The following ZNF703 variants were observed in gnomAD, a reference collection of about 807,000 sequenced individuals.
ZNF703 encodes the protein NocA-like zinc finger 1.
Under a neutral mutation model 30.7 loss-of-function variants are expected in ZNF703, and 18 were observed. The ratio of observed to expected loss-of-function variants is 0.59; its 90% CI spans 0.40 to 0.87. The LOEUF (loss-of-function observed/expected upper bound fraction) is 0.87. ZNF703 is among the 40% of genes least tolerant of loss of function. The pLI is 0.00. For missense variants in ZNF703, 814 were observed against 847.8 expected, an observed-to-expected ratio of 0.96 and a Z score of 0.50; for synonymous variants, 457 against 438.6, an observed-to-expected ratio of 1.04 and a Z score of -0.52.
At position 37,697,965 on chromosome 8, in the gene ZNF703, G is replaced by C. The variant is rs1268591631; in HGVS notation, c.1064G>C (p.Gly355Ala). ...QLSGGLGLPPGKPPSSSPLTG... is the reference protein window; with the variant it reads ...QLSGGLGLPPAKPPSSSPLTG... The stretch of plus-strand genomic sequence containing the variant: ...TCTGGGGGCCTGGGCCTGCCGCCGG[G>C]CAAGCCCCCCAGCTCCAGCCCGCTC... Residue 355 changes from glycine to alanine, a missense_variant, in exon 2 of 2, where the codon GGC becomes GCC. Coordinates refer to ENST00000331569, the MANE Select transcript of ZNF703 (RefSeq NM_025069.3). The C allele has an allele frequency of 6.4e-6, 10 of 1,554,522 alleles. No individual in the cohort carries two copies. The highest frequency in any genetic ancestry group is 8.6e-6 in the Non-Finnish European group (10 of 1,156,726).
Position 37,695,969 on chromosome 8 carries a change from G to C in ZNF703, c.-11G>C. ...CCCTCCCCGCCCCCCCAGCGGCGCT[G>C]CCTCCTCCAAATGAGCGATTCGCCC... On this transcript the variant is annotated 5_prime_UTR_variant, in exon 1 of 2. Transcript: ENST00000331569. 6.6e-7 allele frequency: 1 copy of C among 1,506,520 alleles called. No homozygotes were observed. The highest frequency in any genetic ancestry group is 8.9e-7 in the Non-Finnish European group (1 of 1,125,348). 93.3% of individuals were successfully genotyped at this position (1,506,520 alleles called of 1,614,324 possible).
rs1435479744 is a variant in ZNF703, at chr8:37,697,613, G to C, written c.712G>C (p.Gly238Arg). 7.0e-7 allele frequency: 1 copy of C among 1,419,256 alleles called. No homozygotes were observed. The highest frequency in any genetic ancestry group is 2.9e-5 in the East Asian group (1 of 34,758). The allele number at this position is 1,419,256 out of a possible 1,614,324, so 87.9% of individuals were successfully genotyped here. A position where few individuals can be genotyped will look rare whatever the true frequency, so the allele number is the denominator to read the frequency against. Residue 238 changes from glycine (G) to arginine (R), a missense_variant, in exon 2 of 2, where the codon GGC becomes CGC. Physicochemically the swap from Gly to Arg is moderately radical, Grantham distance 125. Transcript: ENST00000331569. Reference sequence around the variant, plus strand: ...TGACTGCAAGAACGGCGGCGGGGTTGGCGGCGGGGAGCTGGACAAGAAAGA... The same window carrying C: ...TGACTGCAAGAACGGCGGCGGGGTTCGCGGCGGGGAGCTGGACAAGAAAGA... ...HSDCKNGGGV[G>R]GGELDKKDQE... is the part of the protein sequence containing the mutation.
rs1251277548 is a variant in ZNF703 at position 37,695,931 on chromosome 8, C to G, written c.-49C>G. 2.9e-6 allele frequency: 4 copies of G among 1,400,790 alleles called. No homozygotes were observed. Among genetic ancestry groups the G allele is most frequent in the East Asian group, 2.8e-5 (1 of 35,408 alleles). The allele number at this position is 1,400,790 out of a possible 1,614,324, so 86.8% of individuals were successfully genotyped here. On this transcript the variant is annotated 5_prime_UTR_variant, in exon 1 of 2. Transcript: ENST00000331569. Reference sequence around the variant, plus strand: ...CACCCGCCCCGGGAGCTCGCCTCCCCGGTGCTCCCCCGCCCTCCCCGCCCC... The same window carrying G: ...CACCCGCCCCGGGAGCTCGCCTCCCGGGTGCTCCCCCGCCCTCCCCGCCCC...
chr8:37,698,848 T>C lies in ZNF703; in HGVS notation c.*174T>C, dbSNP rs1173110056. 3.8e-6 allele frequency: 2 copies of C among 519,686 alleles called. No homozygotes were observed. Among genetic ancestry groups the C allele is most frequent in the Non-Finnish European group, 6.0e-6 (2 of 330,924 alleles). 32.2% of individuals were successfully genotyped at this position (519,686 alleles called of 1,614,324 possible). A position where few individuals can be genotyped will look rare whatever the true frequency, so the allele number is the denominator to read the frequency against. On this transcript the variant is annotated 3_prime_UTR_variant, in exon 2 of 2. Transcript: ENST00000331569. ...TTTACTATAATGTTAGCTTACAAGC[T>C]GGGAATATAAGTGCATTAACGGCCC...
At position 37,698,670 on chromosome 8, in the gene ZNF703, A is replaced by T; in HGVS notation, c.1769A>T (p.Gln590Leu). The T allele has an allele frequency of 1.4e-6, 2 of 1,451,642 alleles. No homozygotes were observed. Among genetic ancestry groups the T allele is most frequent in the Non-Finnish European group, 1.8e-6 (2 of 1,099,642 alleles). The allele number at this position is 1,451,642 out of a possible 1,614,324, so 89.9% of individuals were successfully genotyped here. The change falls in exon 2 of 2, where the codon CAG (glutamine) becomes CTG (leucine). Residue 590 changes from glutamine (Q) to leucine (L), a missense_variant. Gln to Leu is a moderately radical substitution (Grantham distance 113, BLOSUM62 -2). Coordinates refer to ENST00000331569, the MANE Select transcript of ZNF703 (RefSeq NM_025069.3). ...GCTTCAGCCTCGGCGCTGGGATACC[A>T]GTAACTACAGCTCTTCCTCCACCCC... ...RLASASALGYQ is the reference protein window; with the variant it reads ...RLASASALGYL
rs1449829242 is a variant in ZNF703 at position 37,697,767 on chromosome 8, G to C, written c.866G>C (p.Gly289Ala). ...TCCGAGCCGCCCTCGGCGCTGGTGG[G>C]GGCCGGCCACGTGGCGCCGGTGTCT... ...RKSEPPSALV[G>A]AGHVAPVSPY... The change falls in exon 2 of 2, where the codon GGG becomes GCG. Residue 289 changes from glycine to alanine, a missense_variant. Coordinates refer to ENST00000331569, the MANE Select transcript of ZNF703 (RefSeq NM_025069.3). The C allele has an allele frequency of 6.7e-7, 1 of 1,498,880 alleles. No homozygotes were observed. Among genetic ancestry groups the C allele is most frequent in the Admixed American group, 2.1e-5 (1 of 47,954 alleles). The allele number at this position is 1,498,880 out of a possible 1,614,324, so 92.8% of individuals were successfully genotyped here.
Position 37,698,384 on chromosome 8 carries a change from G to T in ZNF703, c.1483G>T (p.Ala495Ser). 6.6e-7 allele frequency: 1 copy of T among 1,522,574 alleles called. No homozygotes were observed. Among genetic ancestry groups the T allele is most frequent in the Non-Finnish European group, 8.8e-7 (1 of 1,136,214 alleles). The allele number at this position is 1,522,574 out of a possible 1,614,324, so 94.3% of individuals were successfully genotyped here. ...CCTGCCGGGAGCCGAGAAACTTCTG[G>T]CCGCCTACCCCGGGGCCTCGGGCCT... ...TALPGAEKLLAAYPGASGLGS... is the reference protein window; with the variant it reads ...TALPGAEKLLSAYPGASGLGS... Residue 495 changes from alanine to serine, a missense_variant, in exon 2 of 2, where the codon GCC becomes TCC. Physicochemically the swap from Ala to Ser is moderately conservative, Grantham distance 99. Coordinates refer to ENST00000331569, the MANE Select transcript of ZNF703 (RefSeq NM_025069.3).
rs1299596213 is a variant in ZNF703, at chr8:37,695,974, C to T, written c.-6C>T. On this transcript the variant is annotated 5_prime_UTR_variant, in exon 1 of 2. Transcript: ENST00000331569. ...CCCGCCCCCCCAGCGGCGCTGCCTCCTCCAAATGAGCGATTCGCCCGCTGG... is the reference window on the plus strand; with the variant it reads ...CCCGCCCCCCCAGCGGCGCTGCCTCTTCCAAATGAGCGATTCGCCCGCTGG... 2 of 1,517,520 alleles carry T rather than the reference C, an allele frequency of 1.3e-6. No homozygotes were observed. The highest frequency in any genetic ancestry group is 2.8e-5 in the African/African-American group (2 of 70,772). The allele number at this position is 1,517,520 out of a possible 1,614,324, so 94.0% of individuals were successfully genotyped here.
Position 37,696,244 on chromosome 8 carries a change from C to A in ZNF703, c.243+22C>A, listed in dbSNP as rs771182406. ...TGAGGTCAGTCCCCGGCCGCTGCCC[C>A]CGGGCGCCGGCCCCATTCCTCCCAC... On this transcript the variant is annotated intron_variant, in intron 1 of 1. Transcript: ENST00000331569. This position sits in a 1 kb window ranked among gnomAD's most constrained non-coding sequence, Gnocchi z 8.2. The A allele has an allele frequency of 1.3e-6, 2 of 1,560,650 alleles. No individual in the cohort carries two copies. The highest frequency in any genetic ancestry group is 2.4e-5 in the East Asian group (1 of 41,310).
chr8:37,696,756 C>T lies in ZNF703; in HGVS notation c.244-389C>T, dbSNP rs2128904639. Reference sequence around the variant, plus strand: ...AGCCCCTCCTTTAGAATCCGCGCTCCCCTCTCCTACCCCGCGGCGCCATCG... The same window carrying T: ...AGCCCCTCCTTTAGAATCCGCGCTCTCCTCTCCTACCCCGCGGCGCCATCG... On this transcript the variant is annotated intron_variant, in intron 1 of 1. Coordinates refer to ENST00000331569, the MANE Select transcript of ZNF703 (RefSeq NM_025069.3). This position sits in a 1 kb window ranked among gnomAD's most constrained non-coding sequence, Gnocchi z 8.2. 6.6e-6 allele frequency among the ~76,000 whole-genome samples: 1 copy of T among 152,296 alleles called. No individual in the cohort carries two copies. Among genetic ancestry groups the T allele is most frequent in the South Asian group, 2.1e-4 (1 of 4,828 alleles).
chr8:37,695,865 G>C lies in ZNF703; in HGVS notation c.-115G>C. On this transcript the variant is annotated 5_prime_UTR_variant, in exon 1 of 2. Coordinates refer to ENST00000331569, the MANE Select transcript of ZNF703 (RefSeq NM_025069.3). The stretch of plus-strand genomic sequence containing the variant: ...GGAGGAGGGGAGGCGGCGAGGAGGC[G>C]CAGCTCCCGCTGCACCGCGATCGAC... The C allele has an allele frequency of 9.9e-7, 1 of 1,011,598 alleles. No homozygotes were observed. Among genetic ancestry groups the C allele is most frequent in the Non-Finnish European group, 1.3e-6 (1 of 750,238 alleles). The allele number at this position is 1,011,598 out of a possible 1,614,324, so 62.7% of individuals were successfully genotyped here. A position where few individuals can be genotyped will look rare whatever the true frequency, so the allele number is the denominator to read the frequency against.
Position 37,697,125 on chromosome 8 carries a change from C to G in ZNF703, c.244-20C>G, listed in dbSNP as rs550505955. 8 of 1,519,350 alleles carry G rather than the reference C, an allele frequency of 5.3e-6. No individual in the cohort carries two copies. In the South Asian group the frequency reaches 6.5e-5, roughly 12 times the overall value. The allele number at this position is 1,519,350 out of a possible 1,614,324, so 94.1% of individuals were successfully genotyped here. On this transcript the variant is annotated intron_variant, in intron 1 of 1. Coordinates refer to ENST00000331569, the MANE Select transcript of ZNF703 (RefSeq NM_025069.3). ...CTGAGTCTCACTCCTTCTCCCTCCC[C>G]CTGCTTCTGTCTCCCACAGCTGGAC...
Position 37,696,356 on chromosome 8 carries a change from G to T in ZNF703, c.243+134G>T, listed in dbSNP as rs866984453. The T allele has an allele frequency of 7.2e-7, 1 of 1,397,122 alleles. No homozygotes were observed. The highest frequency in any genetic ancestry group is 1.5e-5 in the African/African-American group (1 of 66,912). The allele number at this position is 1,397,122 out of a possible 1,614,324, so 86.5% of individuals were successfully genotyped here. On this transcript the variant is annotated intron_variant, in intron 1 of 1. Coordinates refer to ENST00000331569, the MANE Select transcript of ZNF703 (RefSeq NM_025069.3). This position sits in a 1 kb window ranked among gnomAD's most constrained non-coding sequence, Gnocchi z 8.2. ...GTCACGCTGGCGGGCTGAGTGAGGA[G>T]GGGAAGAAAACCGAGGGATCAGAGC...
chr8:37,696,368 C>A lies in ZNF703; in HGVS notation c.243+146C>A. 2.2e-6 allele frequency: 3 copies of A among 1,354,178 alleles called. No homozygotes were observed. The highest frequency in any genetic ancestry group is 3.0e-5 in the Admixed American group (1 of 33,614). The allele number at this position is 1,354,178 out of a possible 1,614,324, so 83.9% of individuals were successfully genotyped here. A position where few individuals can be genotyped will look rare whatever the true frequency, so the allele number is the denominator to read the frequency against. On this transcript the variant is annotated intron_variant, in intron 1 of 1. Coordinates refer to ENST00000331569, the MANE Select transcript of ZNF703 (RefSeq NM_025069.3). This position sits in a 1 kb window ranked among gnomAD's most constrained non-coding sequence, Gnocchi z 8.2. ...GGCTGAGTGAGGAGGGGAAGAAAAC[C>A]GAGGGATCAGAGCCCACCAGGGCTT...
Position 37,695,969 on chromosome 8 carries a change from G to A in ZNF703, c.-11G>A. ...CCCTCCCCGCCCCCCCAGCGGCGCT[G>A]CCTCCTCCAAATGAGCGATTCGCCC... On this transcript the variant is annotated 5_prime_UTR_variant, in exon 1 of 2. Coordinates refer to ENST00000331569, the MANE Select transcript of ZNF703 (RefSeq NM_025069.3). The A allele has an allele frequency of 6.6e-7, 1 of 1,506,520 alleles. No homozygotes were observed. Among genetic ancestry groups the A allele is most frequent in the Non-Finnish European group, 8.9e-7 (1 of 1,125,348 alleles). The allele number at this position is 1,506,520 out of a possible 1,614,324, so 93.3% of individuals were successfully genotyped here. A position where few individuals can be genotyped will look rare whatever the true frequency, so the allele number is the denominator to read the frequency against.
In ZNF703 at chr8:37,698,408, C is replaced by T. The variant is rs1483535765; in HGVS notation, c.1507C>T (p.Leu503=). Reference sequence around the variant, plus strand: ...GGCCGCCTACCCCGGGGCCTCGGGCCTGGGCAGCGCCGCCGCCGCCGCCGC... The same window carrying T: ...GGCCGCCTACCCCGGGGCCTCGGGCTTGGGCAGCGCCGCCGCCGCCGCCGC... ...LLAAYPGASG[L]GSAAAAAAAA... Residue 503 remains leucine, a synonymous_variant, in exon 2 of 2, where the codon CTG becomes TTG. Coordinates refer to ENST00000331569, the MANE Select transcript of ZNF703 (RefSeq NM_025069.3). 3 of 1,491,354 alleles carry T rather than the reference C, an allele frequency of 2.0e-6. No individual in the cohort carries two copies. The African/African-American group carries it at 4.4e-5, about 22-fold the overall frequency. 92.4% of individuals were successfully genotyped at this position (1,491,354 alleles called of 1,614,324 possible).
rs957492096 is a variant in ZNF703 at position 37,699,096 on chromosome 8, G to T, written c.*422G>T. 2 of 161,044 alleles carry T rather than the reference G, an allele frequency of 1.2e-5. No homozygotes were observed. The highest frequency in any genetic ancestry group is 1.3e-4 in the Admixed American group (2 of 15,478). The allele number at this position is 161,044 out of a possible 1,614,324, so 10.0% of individuals were successfully genotyped here. A position where few individuals can be genotyped will look rare whatever the true frequency, so the allele number is the denominator to read the frequency against. Reference sequence around the variant, plus strand: ...CTAGACGTTTTGTTTTCCCTTCCTGGGGAGTTTCTTGCATGAGTCTTAACT... The same window carrying T: ...CTAGACGTTTTGTTTTCCCTTCCTGTGGAGTTTCTTGCATGAGTCTTAACT... On this transcript the variant is annotated 3_prime_UTR_variant, in exon 2 of 2. Coordinates refer to ENST00000331569, the MANE Select transcript of ZNF703 (RefSeq NM_025069.3).
Position 37,699,450 on chromosome 8 carries a change from C to G in ZNF703, c.*776C>G, listed in dbSNP as rs1429069059. The G allele has an allele frequency of 6.6e-6, 1 of 152,326 alleles. No individual in the cohort carries two copies. Among genetic ancestry groups the G allele is most frequent in the Non-Finnish European group, 1.5e-5 (1 of 68,162 alleles). The allele number at this position is 152,326 out of a possible 1,614,324, so 9.4% of individuals were successfully genotyped here. A position where few individuals can be genotyped will look rare whatever the true frequency, so the allele number is the denominator to read the frequency against. ...TACCTTGCTCTGAGCACGGAGAGCC[C>G]TGACCCCACCAGTAGGCTCGCCCCC... On this transcript the variant is annotated 3_prime_UTR_variant, in exon 2 of 2. Transcript: ENST00000331569.
chr8:37,698,102 G>A lies in ZNF703; in HGVS notation c.1201G>A (p.Ala401Thr). 1.3e-6 allele frequency: 2 copies of A among 1,535,828 alleles called. No individual in the cohort carries two copies. The highest frequency in any genetic ancestry group is 1.7e-6 in the Non-Finnish European group (2 of 1,147,336). Reference protein sequence around the residue: ...LGGSSCSTCSAHDPAGPSLKA... With the variant: ...LGGSSCSTCSTHDPAGPSLKA... Reference sequence around the variant, plus strand: ...CGGCTCCAGCTGCTCCACCTGCAGCGCGCACGACCCTGCCGGGCCCAGCCT... The same window carrying A: ...CGGCTCCAGCTGCTCCACCTGCAGCACGCACGACCCTGCCGGGCCCAGCCT... The change falls in exon 2 of 2, where the codon GCG (alanine) becomes ACG (threonine). Residue 401 changes from alanine (A) to threonine (T), a missense_variant. Ala to Thr is a moderately conservative substitution (Grantham distance 58). Transcript: ENST00000331569.
Sources: gnomAD v4.1 joint callset for allele counts (sites outside exome capture counted in the v4.1 genomes callset) on GRCh38, gnomAD v4.1.1 for gene constraint, Gnocchi (gnomAD v3.1) non-coding constraint, MANE v1.5 for transcripts, NCBI Gene and HGNC (gene_info 2026-07-23, HGNC 2026-07-21) for gene names.